VWDE: variants seen among roughly 807,000 people sequenced by gnomAD.
The protein encoded by VWDE is von Willebrand factor D and EGF domains, also known as von Willebrand factor D and EGF domain-containing protein.
A neutral mutation model predicts 178.4 loss-of-function variants in VWDE; 207 were observed. The observed-to-expected ratio is 1.16, with a 90% CI of 1.04 to 1.30. VWDE has a LOEUF of 1.30. VWDE is among the 50% of genes most tolerant of loss of function. The pLI, the probability that VWDE is intolerant of heterozygous loss-of-function variation, is 0.00. For missense variants in VWDE, 2,287 were observed against 1,901.3 expected, an observed-to-expected ratio of 1.20 and a Z score of -3.77; for synonymous variants, 738 against 651.4, an observed-to-expected ratio of 1.13 and a Z score of -2.02.
intron 4 of VWDE, 29 bp from the exon 5 acceptor site, chr7:12,380,762 G>A: frequency 6.5e-7 from 1 of 1,549,182 alleles, no homozygotes; most frequent in South Asian, 1.2e-5. Context: ...ATTTGTAACT[G>A]GGAATCTTAG....
chr7:12,338,643 A>G (rs1194644514), intron 24 of VWDE, among the ~76,000 whole-genome samples: 1 of 152,084 alleles, frequency 6.6e-6, no homozygotes, highest in Non-Finnish European at 1.5e-5. Context: ...ACATTAGGAA[A>G]ACGAGGTTTA....
At chr7:12,339,121 A>T (rs1178193113) in intron 24 of VWDE, among the ~76,000 whole-genome samples, 1 of 152,154 alleles carries the variant, frequency 6.6e-6, no homozygotes, top group Non-Finnish European at 1.5e-5. Context: ...TGTGGAGGCA[A>T]GCTCATTGTA....
intron 15 of VWDE, 96 bp downstream of exon 15, chr7:12,361,051 G>A: frequency 4.3e-6 from 3 of 702,122 alleles, no homozygotes; most frequent in Non-Finnish European, 6.7e-6. Context: ...AGTTTTTCTG[G>A]TATAAAAGTG....
intron 21 of VWDE, among the ~76,000 whole-genome samples, chr7:12,343,568 T>A (rs903752915): frequency 6.6e-6 from 1 of 152,204 alleles, no homozygotes; most frequent in African/African-American, 2.4e-5. Context: ...TTTGTTAATT[T>A]GTAGCTTGCT....
intron 18 of VWDE, among the ~76,000 whole-genome samples, chr7:12,355,135 T>C (rs1782158601): frequency 6.6e-6 from 1 of 152,108 alleles, no homozygotes; most frequent in Non-Finnish European, 1.5e-5. Context: ...ATTTTTGTTT[T>C]AAAATGCTGA....
intron 3 of VWDE, among the ~76,000 whole-genome samples, chr7:12,385,726 G>A (rs954660): frequency 3.7e-4 from 56 of 152,188 alleles, no homozygotes; most frequent in African/African-American, 1.3e-3. Context: ...AGTTCTAAAC[G>A]GTATTCCAAG....
At chr7:12,344,158 T>C (rs1562466308) in intron 21 of VWDE, 37 bp downstream of exon 21, 2 of 1,515,662 alleles carry the variant, frequency 1.3e-6, no homozygotes, top group African/African-American at 2.8e-5. Context: ...ATGCTATATT[T>C]TAGGCCTTAT....
chr7:12,391,913 A>T (rs190458432), intron 2 of VWDE, among the ~76,000 whole-genome samples: 8 of 152,184 alleles, frequency 5.3e-5, no homozygotes, highest in African/African-American at 1.9e-4. Flanking sequence ...AAGAAAATCG[A>T]CTTTAAGAAT....
chr7:12,346,034 A>T (rs920176742), intron 19 of VWDE, among the ~76,000 whole-genome samples: 3 of 152,052 alleles, frequency 2.0e-5, no homozygotes, highest in Non-Finnish European at 4.4e-5. Context: ...AATATTTTAC[A>T]TTAAGTAATT....
In VWDE at chr7:12,375,067, C is replaced by T; in HGVS notation, c.1185G>A (p.Val395=). Residue 395 remains valine, a synonymous_variant, in exon 8 of 29, where the codon GTG becomes GTA. Transcript: ENST00000275358. ...GGAAATCCTCATTAACTATTGGTTG[C>T]ACTACAATGTTTGAGACTCTATCTC... ...RDGDRVSNIV[V]QPIVNEDFLW... is the part of the protein sequence containing the mutation. 1 of 1,551,246 alleles carries T rather than the reference C, an allele frequency of 6.4e-7. No individual in the cohort carries two copies. The highest frequency in any genetic ancestry group is 8.7e-7 in the Non-Finnish European group (1 of 1,146,670).
Position 12,361,548 on chromosome 7 carries a change from A to G in VWDE, c.2899-27T>C, listed in dbSNP as rs185963307. On this transcript the variant is annotated intron_variant, in intron 13 of 28. Coordinates refer to ENST00000275358, the MANE Select transcript of VWDE (RefSeq NM_001135924.3). ...TGAAGACATAGTGAGAAAAAAATTA[A>G]CCTCTGTTAAATTATGGAAATATTT... 1.5e-3 allele frequency: 2,300 copies of G among 1,490,326 alleles called. 4 individuals carry two copies. The highest frequency in any genetic ancestry group is 4.7e-3 in the Middle Eastern group (27 of 5,706). 92.3% of individuals were successfully genotyped at this position (1,490,326 alleles called of 1,614,324 possible). A position where few individuals can be genotyped will look rare whatever the true frequency, so the allele number is the denominator to read the frequency against.
At chr7:12,391,989 T>C (rs1784410641) in intron 2 of VWDE, among the ~76,000 whole-genome samples, 1 of 152,176 alleles carries the variant, frequency 6.6e-6, no homozygotes, top group South Asian at 2.1e-4. Context: ...AACACGTTAG[T>C]AATTTGGGAA....
chr7:12,356,268 A>G lies in VWDE; in HGVS notation c.3588T>C (p.Ser1196=). Reference sequence around the variant, plus strand: ...CACACAGGTACACTCCACTCCCTGGAGAAAAGTTCCTATCAGATACACATG... The same window carrying G: ...CACACAGGTACACTCCACTCCCTGGGGAAAAGTTCCTATCAGATACACATG... ...GGSCVSDRNF[S]PGSGVYLCVC... is the part of the protein sequence containing the mutation. The change falls in exon 18 of 29, where the codon TCT becomes TCC. Residue 1196 remains serine, a synonymous_variant. Transcript: ENST00000275358. 1 of 1,551,668 alleles carries G rather than the reference A, an allele frequency of 6.4e-7. No homozygotes were observed. Among genetic ancestry groups the G allele is most frequent in the Non-Finnish European group, 8.7e-7 (1 of 1,146,986 alleles).
chr7:12,376,422 C>A (rs1266084668), intron 7 of VWDE, among the ~76,000 whole-genome samples: 6 of 151,982 alleles, frequency 3.9e-5, no homozygotes, highest in Non-Finnish European at 7.4e-5. Flanking sequence ...ATTTTTAATT[C>A]TCAGAGAATA....
At chr7:12,359,518 G>T in intron 16 of VWDE, 60 bp downstream of exon 16, 1 of 1,232,274 alleles carries the variant, frequency 8.1e-7, no homozygotes, top group Non-Finnish European at 1.1e-6. Context: ...ACTTCTGGCT[G>T]AAAACCACTT....
At chr7:12,341,541 A>G (rs1781329950) in intron 23 of VWDE, among the ~76,000 whole-genome samples, 1 of 152,034 alleles carries the variant, frequency 6.6e-6, no homozygotes, top group African/African-American at 2.4e-5. Context: ...CTGAGGCAGG[A>G]GAATCACTTG....
At position 12,402,241 on chromosome 7, in the gene VWDE, C is replaced by T. The variant is rs192150689; in HGVS notation, c.58+1418G>A. Among the ~76,000 whole-genome samples the T allele has an allele frequency of 7.2e-5, 11 of 152,232 alleles. No individual in the cohort carries two copies. In the East Asian group the frequency reaches 2.1e-3, roughly 29 times the overall value. ...CTAAAATTGACTGTGGTCATCGCTGCATATACCTGTAAATATACTCTGAAT... is the reference window on the plus strand; with the variant it reads ...CTAAAATTGACTGTGGTCATCGCTGTATATACCTGTAAATATACTCTGAAT... On this transcript the variant is annotated intron_variant, in intron 1 of 28. Transcript: ENST00000275358.
rs374101330 is a variant in VWDE at position 12,341,777 on chromosome 7, C to T, written c.4270+282G>A. Among the ~76,000 whole-genome samples the T allele has an allele frequency of 1.3e-4, 20 of 152,182 alleles. No homozygotes were observed. In the East Asian group the frequency reaches 3.1e-3, roughly 24 times the overall value. ...TAAAAGAAACCTAGAAGATTCAACA[C>T]GTTTCTCTTCACCACAAGGTAGGTG... On this transcript the variant is annotated intron_variant, in intron 23 of 28. Transcript: ENST00000275358.
intron 1 of VWDE, among the ~76,000 whole-genome samples, chr7:12,394,618 C>T (rs1246689561): frequency 2.6e-5 from 4 of 152,094 alleles, no homozygotes; most frequent in African/African-American, 9.7e-5. Context: ...GGCTCCTGTG[C>T]TCCCAAATTA....
Sources: allele counts gnomAD v4.1 joint callset (sites outside exome capture counted in the v4.1 genomes callset), GRCh38; gene constraint gnomAD v4.1.1; transcripts MANE v1.5; gene names NCBI Gene and HGNC (gene_info 2026-07-23, HGNC 2026-07-21).